The following PDE1C variants were observed in gnomAD, a reference collection of about 807,000 sequenced individuals.
PDE1C encodes the protein dual specificity calcium/calmodulin-dependent 3',5'-cyclic nucleotide phosphodiesterase 1C.
Under a neutral mutation model 93.1 loss-of-function variants are expected in PDE1C, and 62 were observed. That is an observed-to-expected ratio of 0.67 (90% confidence interval 0.54 to 0.82). PDE1C has a LOEUF of 0.82. Ranked by LOEUF, PDE1C falls within the 40% of genes least tolerant of loss-of-function variation. The pLI, the probability that PDE1C is intolerant of heterozygous loss-of-function variation, is 0.00. For synonymous variants in PDE1C, 325 were observed against 310.1 expected, an observed-to-expected ratio of 1.05 and a Z score of -0.50; for missense variants, 742 against 884.6, an observed-to-expected ratio of 0.84 and a Z score of 2.04.
intron 1 of PDE1C, among the ~76,000 whole-genome samples, chr7:32,052,879 C>G (rs1793577927): frequency 6.6e-6 from 1 of 152,024 alleles, no homozygotes; most frequent in Admixed American, 6.6e-5. Context: ...AGTAGGATGA[C>G]AAATCACTCC....
intron 2 of PDE1C, among the ~76,000 whole-genome samples, chr7:31,969,060 T>C (rs7456545): frequency 0.7 from 106,342 of 152,016 alleles, 37,914 homozygotes; most frequent in African/African-American, 0.84. Context: ...CCATTCAGGA[T>C]ATAGGCATGG....
chr7:32,162,442 T>C (rs938601450), intron 3 of PDE1C, among the ~76,000 whole-genome samples: 1 of 152,032 alleles, frequency 6.6e-6, no homozygotes, highest in Non-Finnish European at 1.5e-5. Flanking sequence ...AAGAAATGTA[T>C]TGGAGTAAAA....
rs750152375 is a variant in PDE1C, at chr7:31,880,888, T to C, written c.129-28A>G. 3.3e-5 allele frequency: 44 copies of C among 1,319,920 alleles called. No homozygotes were observed. In the South Asian group the frequency reaches 4.8e-4, roughly 15 times the overall value. 81.8% of individuals were successfully genotyped at this position (1,319,920 alleles called of 1,614,324 possible). A position where few individuals can be genotyped will look rare whatever the true frequency, so the allele number is the denominator to read the frequency against. On this transcript the variant is annotated intron_variant, in intron 2 of 17. Transcript: ENST00000396191. ...AGAAAAATAAAAAGACATAATTTCATTAGAATAGAGGAAACAAAGAATAAT... is the reference window on the plus strand; with the variant it reads ...AGAAAAATAAAAAGACATAATTTCACTAGAATAGAGGAAACAAAGAATAAT...
chr7:31,645,990 G>A, the PDE1C span, among the ~76,000 whole-genome samples: 109,034 of 151,984 alleles, frequency 0.72, 39,771 homozygotes, highest in East Asian at 0.83. Context: ...TTGAGAGGCC[G>A]TATGGGGGAA....
intron 2 of PDE1C, among the ~76,000 whole-genome samples, chr7:32,020,282 G>T (rs2128610725): frequency 6.6e-6 from 1 of 152,092 alleles, no homozygotes; most frequent in African/African-American, 2.4e-5. Flanking sequence ...GGACTTTCCT[G>T]GGCACTGGGA....
chr7:32,232,583 C>G (rs35823466), intron 1 of PDE1C, among the ~76,000 whole-genome samples: 15,983 of 152,158 alleles, frequency 0.11, 897 homozygotes, highest in East Asian at 0.13. Context: ...GGTCTAAAAG[C>G]AGAGCCTCAG....
chr7:32,207,890 G>A (rs1037268162), intron 2 of PDE1C, among the ~76,000 whole-genome samples: 7 of 152,188 alleles, frequency 4.6e-5, no homozygotes, highest in African/African-American at 1.7e-4. Context: ...GACTCCCATG[G>A]GGGAAGGGGC....
chr7:32,196,207 T>A (rs60559000), intron 2 of PDE1C, among the ~76,000 whole-genome samples: 2 of 152,162 alleles, frequency 1.3e-5, no homozygotes, highest in African/African-American at 4.8e-5. Context: ...TACAGCCTTG[T>A]GAGGGTGGAC....
rs368406121 is a variant in PDE1C, at chr7:31,753,453, G to T, written c.2061C>A (p.Tyr687Ter). ...SKKTDEHPAR[Y>*]KMLDQRIKMK... Reference sequence around the variant, plus strand: ...TTTTGATCCTCTGATCCAGCATCTTGTACCTTGCAGGATGCTCATCAGTTT... The same window carrying T: ...TTTTGATCCTCTGATCCAGCATCTTTTACCTTGCAGGATGCTCATCAGTTT... Residue 687 changes from tyrosine to a stop codon, truncating the protein, a stop_gained, in exon 18 of 18, where the codon TAC becomes TAA. Coordinates refer to ENST00000396191, the MANE Select transcript of PDE1C (RefSeq NM_001191057.4). LOFTEE classifies it high-confidence loss of function. 77 of 1,612,548 alleles carry T rather than the reference G, an allele frequency of 4.8e-5. No individual in the cohort carries two copies. The highest frequency in any genetic ancestry group is 1.6e-4 in the Middle Eastern group (1 of 6,082).
At chr7:32,091,067 A>G (rs766992618) in intron 3 of PDE1C, among the ~76,000 whole-genome samples, 1 of 152,244 alleles carries the variant, frequency 6.6e-6, no homozygotes, top group Non-Finnish European at 1.5e-5. Context: ...TTACAGCTGC[A>G]TAACAGCAAG....
At chr7:31,968,823 G>T (rs552091471) in intron 2 of PDE1C, among the ~76,000 whole-genome samples, 1 of 152,106 alleles carries the variant, frequency 6.6e-6, no homozygotes, top group South Asian at 2.1e-4. Context: ...CAGAAATAAT[G>T]CTGCTTATCT....
intron 16 of PDE1C, among the ~76,000 whole-genome samples, chr7:31,805,265 A>G (rs1786674645): frequency 6.6e-6 from 1 of 151,634 alleles, no homozygotes; most frequent in South Asian, 2.1e-4. Context: ...TAATACAAGC[A>G]GGATGGCATG....
the PDE1C span, among the ~76,000 whole-genome samples, chr7:31,637,154 G>A: frequency 6.6e-6 from 1 of 151,806 alleles, no homozygotes; most frequent in African/African-American, 2.4e-5. Flanking sequence ...CATTTGGGTT[G>A]GTTCCAAGTC....
At chr7:31,693,582 A>T in the PDE1C span, among the ~76,000 whole-genome samples, 1 of 152,180 alleles carries the variant, frequency 6.6e-6, no homozygotes, top group East Asian at 1.9e-4. Flanking sequence ...ACCGTTGTAG[A>T]CTTAGCATGA....
chr7:32,038,885 A>G (rs1286724706), intron 2 of PDE1C, among the ~76,000 whole-genome samples: 1 of 152,234 alleles, frequency 6.6e-6, no homozygotes, highest in Non-Finnish European at 1.5e-5. Context: ...AAGCTTTACA[A>G]TGGCTTCATC....
the PDE1C span, among the ~76,000 whole-genome samples, chr7:31,622,779 G>GAGAC: frequency 7.9e-5 from 12 of 152,054 alleles, no homozygotes; most frequent in African/African-American, 2.7e-4. Context: ...GAAGGAAATA[G>GAGAC]AGACACAAAA....
chr7:32,038,450 G>GTA (rs759591507), intron 2 of PDE1C, among the ~76,000 whole-genome samples: 20 of 152,164 alleles, frequency 1.3e-4, no homozygotes, highest in Non-Finnish European at 2.6e-4. Flanking sequence ...TTAACAGCTA[G>GTA]TATATATATC....
chr7:31,638,345 A>G, the PDE1C span, among the ~76,000 whole-genome samples: 7 of 152,322 alleles, frequency 4.6e-5, no homozygotes, highest in African/African-American at 9.6e-5. Flanking sequence ...TGACAACACT[A>G]AACAGCTGTT....
chr7:31,720,590 A>C, the PDE1C span, among the ~76,000 whole-genome samples: 1 of 152,218 alleles, frequency 6.6e-6, no homozygotes, highest in Non-Finnish European at 1.5e-5. Context: ...GCAGCAGCCA[A>C]ATCTGCAGCC....
Sources: gnomAD v4.1 joint callset for allele counts (sites outside exome capture counted in the v4.1 genomes callset) on GRCh38, gnomAD v4.1.1 for gene constraint, MANE v1.5 for transcripts, NCBI Gene and HGNC (gene_info 2026-07-23, HGNC 2026-07-21) for gene names.